CCBE1: variants seen among roughly 807,000 people sequenced by gnomAD.
CCBE1 encodes collagen and calcium-binding EGF domain-containing protein 1.
In CCBE1, 37 loss-of-function variants were observed where a neutral mutation model predicts 50.0. The observed-to-expected ratio is 0.74, with a 90% CI of 0.57 to 0.97. The LOEUF (loss-of-function observed/expected upper bound fraction) is 0.97, where lower values mean the gene tolerates loss of function less well. Ranked by LOEUF, CCBE1 falls within the 50% of genes least tolerant of loss-of-function variation. The pLI is 0.00. For missense variants in CCBE1, 538 were observed against 523.8 expected (o/e 1.03, Z -0.26); for synonymous variants, 234 against 203.7 (o/e 1.15, Z -1.27).
At chr18:59,683,697 C>CA (rs35608288) in intron 2 of CCBE1, among the ~76,000 whole-genome samples, 59,413 of 151,078 alleles carry the variant, frequency 0.39, 12,860 homozygotes, top group Non-Finnish European at 0.48. Context: ...GACTCCATCT[C>CA]AAAAAAAGAG....
At chr18:59,496,622 G>A (rs1226709259) in intron 2 of CCBE1, among the ~76,000 whole-genome samples, 1 of 152,160 alleles carries the variant, frequency 6.6e-6, no homozygotes, top group Non-Finnish European at 1.5e-5. Flanking sequence ...TAATGGGACT[G>A]AAAATATTCA....
chr18:59,571,877 G>C (rs967686727), intron 2 of CCBE1, among the ~76,000 whole-genome samples: 3 of 152,132 alleles, frequency 2.0e-5, no homozygotes, highest in African/African-American at 7.2e-5. Flanking sequence ...CTAGGGGAGG[G>C]GCTCATCAAT....
chr18:59,440,832 C>T (rs1352894788), intron 7 of CCBE1, among the ~76,000 whole-genome samples: 1 of 152,130 alleles, frequency 6.6e-6, no homozygotes, highest in Non-Finnish European at 1.5e-5. Context: ...CCCGTTGCCC[C>T]ACAACTCTAG....
intron 2 of CCBE1, among the ~76,000 whole-genome samples, chr18:59,499,363 C>G (rs1267274754): frequency 1.3e-5 from 2 of 152,002 alleles, no homozygotes; most frequent in African/African-American, 2.4e-5. Flanking sequence ...TTTCTGAAGT[C>G]CAATAAATGA....
At chr18:59,567,106 C>A (rs761692197) in intron 2 of CCBE1, among the ~76,000 whole-genome samples, 7 of 152,020 alleles carry the variant, frequency 4.6e-5, no homozygotes, top group Admixed American at 1.3e-4. Flanking sequence ...AGGTTTTAAA[C>A]GCATTTTTTC....
At position 59,434,151 on chromosome 18, in the gene CCBE1, G is replaced by C. The variant is rs1339334096; in HGVS notation, c.*1757C>G. On this transcript the variant is annotated 3_prime_UTR_variant, in exon 11 of 11. Transcript: ENST00000439986. Reference sequence around the variant, plus strand: ...GATCTCCCCGCCTCAGCCTCCCAAAGTGCTGGGATTAGAGGCGTGGGCTAC... The same window carrying C: ...GATCTCCCCGCCTCAGCCTCCCAAACTGCTGGGATTAGAGGCGTGGGCTAC... 6.6e-6 allele frequency: 1 copy of C among 152,258 alleles called. No homozygotes were observed. Among genetic ancestry groups the C allele is most frequent in the Non-Finnish European group, 1.5e-5 (1 of 68,110 alleles). The allele number at this position is 152,258 out of a possible 1,614,324, so 9.4% of individuals were successfully genotyped here.
At chr18:59,481,856 G>C (rs935302658) in intron 2 of CCBE1, among the ~76,000 whole-genome samples, 4 of 152,174 alleles carry the variant, frequency 2.6e-5, no homozygotes, top group Non-Finnish European at 5.9e-5. Flanking sequence ...ACATTTTTAG[G>C]AAGGAATGAA....
intron 1 of CCBE1, 63 bp downstream of exon 1, chr18:59,697,149 A>T (rs1389754495): frequency 3.2e-6 from 5 of 1,543,004 alleles, no homozygotes; most frequent in Non-Finnish European, 4.4e-6. Context: ...GACCGCCCGC[A>T]CCCCGCGAGC....
chr18:59,657,889 AAACAACAAC>A (rs142001390), intron 2 of CCBE1, among the ~76,000 whole-genome samples: 1 of 146,332 alleles, frequency 6.8e-6, no homozygotes, highest in Admixed American at 6.7e-5. Context: ...AAACAACAAC[AAACAACAAC>A]AACAACAACA....
intron 2 of CCBE1, among the ~76,000 whole-genome samples, chr18:59,555,708 T>C (rs2052645607): frequency 6.6e-6 from 1 of 152,202 alleles, no homozygotes; most frequent in South Asian, 2.1e-4. Flanking sequence ...AGTTGAAACA[T>C]CCTGAAGAAA....
At chr18:59,519,911 T>TC (rs1466523841) in intron 2 of CCBE1, among the ~76,000 whole-genome samples, 2 of 152,134 alleles carry the variant, frequency 1.3e-5, no homozygotes, top group Non-Finnish European at 2.9e-5. Context: ...TTTTTCCAAC[T>TC]CCATTTATTA....
chr18:59,484,420 C>T (rs557764507), intron 2 of CCBE1, among the ~76,000 whole-genome samples: 11 of 152,176 alleles, frequency 7.2e-5, no homozygotes, highest in Admixed American at 1.3e-4. Flanking sequence ...TGTTTGATGG[C>T]GTTTTAAAGT....
In CCBE1 at chr18:59,454,915, G is replaced by A. The variant is rs772022652; in HGVS notation, c.590C>T (p.Thr197Ile). 3.1e-6 allele frequency: 5 copies of A among 1,614,194 alleles called. No homozygotes were observed. In the East Asian group the frequency reaches 1.1e-4, roughly 36 times the overall value. The change falls in exon 6 of 11, where the codon ACT (threonine) becomes ATT (isoleucine). Residue 197 changes from threonine to isoleucine, a missense_variant. Physicochemically the swap from Thr to Ile is moderately conservative, Grantham distance 89 (BLOSUM62 -1). Coordinates refer to ENST00000439986, the MANE Select transcript of CCBE1 (RefSeq NM_133459.4). ...EKSENMVKAG[T>I]CCATCKEFYQ... ...GAACTCCTTGCATGTGGCACAGCAA[G>A]TTCCGGCTTTCACCATGTTCTCAGA...
intron 2 of CCBE1, among the ~76,000 whole-genome samples, chr18:59,594,722 C>G (rs1017249961): frequency 6.6e-6 from 1 of 152,118 alleles, no homozygotes; most frequent in Admixed American, 6.5e-5. Context: ...ACTTTGTCAA[C>G]AGTACATCTT....
chr18:59,520,611 C>T (rs757623123), intron 2 of CCBE1, among the ~76,000 whole-genome samples: 4 of 152,224 alleles, frequency 2.6e-5, no homozygotes, highest in Non-Finnish European at 5.9e-5. Context: ...TGCTCATGTG[C>T]GCCTGCACAC....
rs573475794 is a variant in CCBE1 at position 59,436,207 on chromosome 18, C to T, written c.988-66G>A. 6.4e-6 allele frequency: 9 copies of T among 1,397,662 alleles called. 1 individual carries two copies. The South Asian group carries it at 1.0e-4, about 16-fold the overall frequency. The allele number at this position is 1,397,662 out of a possible 1,614,324, so 86.6% of individuals were successfully genotyped here. Reference sequence around the variant, plus strand: ...AGCAATGGCCTCCGGGGCTCCATGACTTGACCTGCTGCTTGCTGGCAACTA... The same window carrying T: ...AGCAATGGCCTCCGGGGCTCCATGATTTGACCTGCTGCTTGCTGGCAACTA... On this transcript the variant is annotated intron_variant, in intron 10 of 10. Transcript: ENST00000439986.
At chr18:59,494,382 T>C (rs1913249976) in intron 2 of CCBE1, among the ~76,000 whole-genome samples, 2 of 152,202 alleles carry the variant, frequency 1.3e-5, no homozygotes, top group Admixed American at 6.5e-5. Context: ...ACCTTTAGGA[T>C]GTCTCTCCCA....
chr18:59,508,441 C>T (rs957294841), intron 2 of CCBE1, among the ~76,000 whole-genome samples: 2 of 151,560 alleles, frequency 1.3e-5, no homozygotes, highest in Non-Finnish European at 2.9e-5. Context: ...ACTAAAAATA[C>T]AAAAAATTAG....
chr18:59,454,548 A>G (rs1000763730), intron 6 of CCBE1, among the ~76,000 whole-genome samples: 1 of 152,080 alleles, frequency 6.6e-6, no homozygotes, highest in Non-Finnish European at 1.5e-5. Flanking sequence ...ACCCGGCTGG[A>G]AATTTATTTT....
Sources: gnomAD v4.1 joint callset for allele counts (sites outside exome capture counted in the v4.1 genomes callset) on GRCh38, gnomAD v4.1.1 for gene constraint, MANE v1.5 for transcripts, NCBI Gene and HGNC (gene_info 2026-07-23, HGNC 2026-07-21) for gene names.